GCC2: variants seen among roughly 807,000 people sequenced by gnomAD.
GCC2 encodes the protein GRIP and coiled-coil domain-containing protein 2.
GCC2 carries 120 observed loss-of-function variants against 210.6 expected under a neutral mutation model. The observed-to-expected ratio is 0.57, with a 90% confidence interval of 0.49 to 0.66. The LOEUF (loss-of-function observed/expected upper bound fraction) is 0.66. GCC2 is among the 30% of genes least tolerant of loss of function. The pLI, the probability that GCC2 is intolerant of heterozygous loss-of-function variation, is 0.00. For synonymous variants in GCC2, 703 were observed against 652.7 expected (o/e 1.08, Z -1.17); for missense variants, 1,868 against 1,871.9 (o/e 1.00, Z 0.04).
intron 4 of GCC2, among the ~76,000 whole-genome samples, chr2:108,461,830 C>CTTTTTTTTTTTTTTTTTTT (rs1313525353): frequency 1.6e-5 from 2 of 124,078 alleles, no homozygotes; most frequent in African/African-American, 6.3e-5. Context: ...TTTTTTTTTT[C>CTTTTTTTTTTTTTTTTTTT]TTTTTCTTTT....
At position 108,492,627 on chromosome 2, in the gene GCC2, T is replaced by A. The variant is rs577919832; in HGVS notation, c.4284T>A (p.Thr1428=). The change falls in exon 19 of 23, where the codon ACT becomes ACA. Residue 1428 remains threonine, a synonymous_variant. Transcript: ENST00000309863. ...TGATGAAATCTGAACATACACAGAC[T>A]GTGAGTCAGCTAACATCCCAGAACG... ...NMMMKSEHTQ[T]VSQLTSQNEV... 9 of 1,613,872 alleles carry A rather than the reference T, an allele frequency of 5.6e-6. No individual in the cohort carries two copies. In the South Asian group the frequency reaches 9.9e-5, roughly 18 times the overall value.
At chr2:108,481,858 A>G (rs1391057474) in intron 10 of GCC2, 42 bp downstream of exon 10, 5 of 1,394,444 alleles carry the variant, frequency 3.6e-6, no homozygotes, top group Non-Finnish European at 4.9e-6. Flanking sequence ...TATAACAGGT[A>G]TATTTTAATC....
Position 108,504,703 on chromosome 2 carries a change from T to C in GCC2, c.4985-2857T>C, listed in dbSNP as rs529589900. Among the ~76,000 whole-genome samples the C allele has an allele frequency of 2.0e-4, 31 of 152,306 alleles. 2 individuals are homozygous for C. The highest frequency in any genetic ancestry group is 7.2e-4 in the African/African-American group (30 of 41,552). ...CCCAAATAAGTTAGCCATATAGTAC[T>C]TCTATATGCAAAATTTGAATCTCAA... On this transcript the variant is annotated intron_variant, in intron 22 of 22. Transcript: ENST00000309863.
At chr2:108,462,560 C>CTTTTTTTTT (rs1163723057) in intron 4 of GCC2, 2 of 91,014 alleles carry the variant, frequency 2.2e-5, no homozygotes, top group African/African-American at 8.2e-5. Flanking sequence ...GACTTCGCTT[C>CTTTTTTTTT]TTTTTTTTTT....
chr2:108,457,325 C>CT (rs2104415105), intron 4 of GCC2, among the ~76,000 whole-genome samples: 1 of 152,198 alleles, frequency 6.6e-6, no homozygotes, highest in East Asian at 1.9e-4. Flanking sequence ...TTTGGGTTCT[C>CT]TATTTTGTTC....
rs776172312 is a variant in GCC2, at chr2:108,490,002, A to G, written c.4217A>G (p.Glu1406Gly). Residue 1406 changes from glutamate (E) to glycine (G), a missense_variant, in exon 18 of 23, where the codon GAA (glutamate) becomes GGA (glycine). By Grantham distance (98) the Glu-to-Gly change is moderately conservative. Coordinates refer to ENST00000309863, the MANE Select transcript of GCC2 (RefSeq NM_181453.4). ...CAGGAAACTGTGTCCAAAGAGGCGG[A>G]ACTCCGGGAAAAGTAAGACTGTTAG... ...MLQETVSKEA[E>G]LREKLCSIQS... The G allele has an allele frequency of 6.9e-6, 11 of 1,601,554 alleles. No individual in the cohort carries two copies. In the South Asian group the frequency reaches 7.9e-5, roughly 11 times the overall value.
chr2:108,455,847 T>G (rs1424335422), intron 4 of GCC2, among the ~76,000 whole-genome samples: 2 of 152,226 alleles, frequency 1.3e-5, no homozygotes, highest in Non-Finnish European at 2.9e-5. Flanking sequence ...TTTCATGTAT[T>G]TGCTATTGTG....
In GCC2 at chr2:108,472,107, A is replaced by G. The variant is rs1029375087; in HGVS notation, c.2778A>G (p.Ile926Met). 12 of 1,523,348 alleles carry G rather than the reference A, an allele frequency of 7.9e-6. No individual in the cohort carries two copies. The African/African-American group carries it at 1.4e-4, about 18-fold the overall frequency. 94.4% of individuals were successfully genotyped at this position (1,523,348 alleles called of 1,614,324 possible). A position where few individuals can be genotyped will look rare whatever the true frequency, so the allele number is the denominator to read the frequency against. The change falls in exon 6 of 23, where the codon ATA (isoleucine) becomes ATG (methionine). Residue 926 changes from isoleucine (I) to methionine (M), a missense_variant. Ile to Met is a conservative substitution (Grantham distance 10). Coordinates refer to ENST00000309863, the MANE Select transcript of GCC2 (RefSeq NM_181453.4). ...TACGAGATAGGAGAGCAGAGTTGAT[A>G]CTATTAAAGGTACCATTCATTTGAA... ...KELRDRRAEL[I>M]LLKDSLAKSP...
Position 108,470,253 on chromosome 2 carries a change from T to C in GCC2, c.924T>C (p.Asn308=). The part of the protein sequence containing the change: ...ELENLRKATS[N]ANQDNQICSI... ...AAAATTTAAGGAAAGCCACCTCAAA[T>C]GCAAACCAAGACAATCAGATATGTT... Residue 308 remains asparagine, a synonymous_variant, in exon 6 of 23, where the codon AAT becomes AAC. Transcript: ENST00000309863. 2 of 1,613,616 alleles carry C rather than the reference T, an allele frequency of 1.2e-6. No individual in the cohort carries two copies. The highest frequency in any genetic ancestry group is 1.7e-6 in the Non-Finnish European group (2 of 1,179,812).
At position 108,470,627 on chromosome 2, in the gene GCC2, A is replaced by G; in HGVS notation, c.1298A>G (p.His433Arg). The G allele has an allele frequency of 1.9e-6, 3 of 1,612,526 alleles. No homozygotes were observed. Among genetic ancestry groups the G allele is most frequent in the Middle Eastern group, 3.3e-4 (2 of 6,058 alleles). The change falls in exon 6 of 23, where the codon CAT becomes CGT. Residue 433 changes from histidine to arginine, a missense_variant. This residue lies in a region of GCC2 where 1,847 missense variants were observed against 1,765.2 expected (regional missense o/e 1.05). Coordinates refer to ENST00000309863, the MANE Select transcript of GCC2 (RefSeq NM_181453.4). ...NREVQSLKEQ[H>R]QKEISELNET... Reference sequence around the variant, plus strand: ...GAAGTACAGAGTCTTAAGGAACAACATCAAAAAGAAATATCAGAACTAAAT... The same window carrying G: ...GAAGTACAGAGTCTTAAGGAACAACGTCAAAAAGAAATATCAGAACTAAAT...
At chr2:108,462,560 C>CT (rs1163723057) in intron 4 of GCC2, 1,140 of 90,992 alleles carry the variant, frequency 0.013, 58 homozygotes, top group African/African-American at 0.025. Flanking sequence ...GACTTCGCTT[C>CT]TTTTTTTTTT....
At chr2:108,492,344 G>A (rs1177614184) in intron 18 of GCC2, among the ~76,000 whole-genome samples, 1 of 152,100 alleles carries the variant, frequency 6.6e-6, no homozygotes, top group African/African-American at 2.4e-5. Context: ...CTTAACTGGG[G>A]TTCTTCATCT....
At chr2:108,504,951 C>A (rs75910980) in intron 22 of GCC2, among the ~76,000 whole-genome samples, 58,280 of 151,930 alleles carry the variant, frequency 0.38, 12,695 homozygotes, top group East Asian at 0.89. Flanking sequence ...GACTGGCAGG[C>A]AGAGAATGCA....
rs749616693 is a variant in GCC2, at chr2:108,495,470, C to T, written c.4627C>T (p.Pro1543Ser). 1.3e-6 allele frequency: 2 copies of T among 1,591,352 alleles called. No homozygotes were observed. The highest frequency in any genetic ancestry group is 1.7e-6 in the Non-Finnish European group (2 of 1,177,034). The change falls in exon 20 of 23, where the codon CCC becomes TCC. Residue 1543 changes from proline (P) to serine (S), a missense_variant. Physicochemically the swap from Pro to Ser is moderately conservative, Grantham distance 74. Coordinates refer to ENST00000309863, the MANE Select transcript of GCC2 (RefSeq NM_181453.4). ...GTCTTTAGAGCAGCTGCTTAACTCT[C>T]CCGAAACTAAACTTGGTATGTTACT... is the stretch of plus-strand genomic sequence containing the variant. ...TQSLEQLLNS[P>S]ETKLEPPLWH...
chr2:108,474,868 A>G (rs1275968998), intron 7 of GCC2: 12 of 152,150 alleles, frequency 7.9e-5, no homozygotes, highest in Non-Finnish European at 1.8e-4. Context: ...TGAGTAGGTA[A>G]TGAGACGCAG....
At position 108,473,928 on chromosome 2, in the gene GCC2, C is replaced by T. The variant is rs539320991; in HGVS notation, c.2860+1029C>T. ...CAGCACTTTGGGAGGCCTAAGTGGG[C>T]GGATCACGAGGTCAGGAGATTGAGA... On this transcript the variant is annotated intron_variant, in intron 7 of 22. Coordinates refer to ENST00000309863, the MANE Select transcript of GCC2 (RefSeq NM_181453.4). 5.3e-5 allele frequency among the ~76,000 whole-genome samples: 8 copies of T among 151,760 alleles called. No homozygotes were observed. The East Asian group carries it at 1.2e-3, about 22-fold the overall frequency.
chr2:108,458,532 A>G (rs1347848189), intron 4 of GCC2, among the ~76,000 whole-genome samples: 2 of 151,842 alleles, frequency 1.3e-5, no homozygotes, highest in East Asian at 3.9e-4. Context: ...GGTAGAATTC[A>G]GTGTGCATCC....
At chr2:108,472,301 TG>T (rs1681275115) in intron 6 of GCC2, among the ~76,000 whole-genome samples, 185 bp downstream of exon 6, 2 of 152,124 alleles carry the variant, frequency 1.3e-5, no homozygotes, top group South Asian at 4.1e-4. Context: ...CATTTATTTT[TG>T]GGGAGTTTTA....
rs1436046060 is a variant in GCC2, at chr2:108,471,334, C to T, written c.2005C>T (p.Leu669Phe). The T allele has an allele frequency of 1.2e-6, 2 of 1,611,830 alleles. No individual in the cohort carries two copies. Among genetic ancestry groups the T allele is most frequent in the Non-Finnish European group, 8.5e-7 (1 of 1,179,234 alleles). The change falls in exon 6 of 23, where the codon CTT becomes TTT. Residue 669 changes from leucine (L) to phenylalanine (F), a missense_variant. Physicochemically the swap from Leu to Phe is conservative, Grantham distance 22. Transcript: ENST00000309863. ...TCAAAATGACCAAAAACTAGAAAAACTTATGGTTCAAATGAAAGTTCTCTC... is the reference window on the plus strand; with the variant it reads ...TCAAAATGACCAAAAACTAGAAAAATTTATGGTTCAAATGAAAGTTCTCTC... ...KDQNDQKLEK[L>F]MVQMKVLSED...
Sources: allele counts gnomAD v4.1 joint callset (sites outside exome capture counted in the v4.1 genomes callset), GRCh38; gene constraint gnomAD v4.1.1; regional missense constraint gnomAD v4.1.1; transcripts MANE v1.5; gene names NCBI Gene and HGNC (gene_info 2026-07-23, HGNC 2026-07-21).